The following BTBD9 variants were observed in gnomAD, a reference collection of about 807,000 sequenced individuals.
The protein encoded by BTBD9 is BTB/POZ domain-containing protein 9.
BTBD9 carries 49 observed loss-of-function variants against 64.3 expected under a neutral mutation model. The observed-to-expected ratio is 0.76, with a 90% CI of 0.61 to 0.97. The LOEUF (loss-of-function observed/expected upper bound fraction) is 0.97. Ranked by LOEUF, BTBD9 falls within the 50% of genes least tolerant of loss-of-function variation. The probability of loss-of-function intolerance (pLI) is 0.00; values close to 1 mark genes in which losing one functional copy is unlikely to be tolerated. For synonymous variants in BTBD9, 260 were observed against 274.7 expected (o/e 0.95, Z 0.53); for missense variants, 598 against 762.1 (o/e 0.78, Z 2.53).
At chr6:38,512,623 C>T (rs1190360816) in intron 6 of BTBD9, among the ~76,000 whole-genome samples, 2 of 152,146 alleles carry the variant, frequency 1.3e-5, no homozygotes, top group Admixed American at 1.3e-4. Flanking sequence ...CCATTTTGCC[C>T]ACCCTTTCAG....
intron 6 of BTBD9, among the ~76,000 whole-genome samples, chr6:38,347,067 CCCT>C (rs1183383327): frequency 1.3e-5 from 2 of 152,166 alleles, no homozygotes; most frequent in Non-Finnish European, 2.9e-5. Flanking sequence ...AACCTTCCTT[CCCT>C]CCTGTTCTTT....
intron 6 of BTBD9, among the ~76,000 whole-genome samples, chr6:38,533,987 C>T (rs987029225): frequency 6.6e-6 from 1 of 151,490 alleles, no homozygotes; most frequent in Non-Finnish European, 1.5e-5. Context: ...TAAAAAAGAG[C>T]AAATCAAACC....
Position 38,339,503 on chromosome 6 carries a change from C to G in BTBD9, c.1264+5481G>C, listed in dbSNP as rs369679977. On this transcript the variant is annotated intron_variant, in intron 7 of 10. Transcript: ENST00000481247. Reference sequence around the variant, plus strand: ...AAAAAGAAAATAAAAGAAAAAGAAGCACAGTAAGGTAAAAAATATATAATA... The same window carrying G: ...AAAAAGAAAATAAAAGAAAAAGAAGGACAGTAAGGTAAAAAATATATAATA... 2.7e-4 allele frequency among the ~76,000 whole-genome samples: 41 copies of G among 152,048 alleles called. No homozygotes were observed. The South Asian group carries it at 6.7e-3, about 25-fold the overall frequency.
At chr6:38,202,712 T>C (rs1762508676) in intron 9 of BTBD9, among the ~76,000 whole-genome samples, 1 of 152,160 alleles carries the variant, frequency 6.6e-6, no homozygotes, top group African/African-American at 2.4e-5. Flanking sequence ...GATATCCATA[T>C]GCAAACTGGA....
At chr6:38,193,075 C>T (rs764205740) in intron 9 of BTBD9, among the ~76,000 whole-genome samples, 10 of 151,286 alleles carry the variant, frequency 6.6e-5, no homozygotes, top group Non-Finnish European at 1.0e-4. Context: ...AAAAAAAGTG[C>T]GGACAAATAG....
chr6:38,364,121 C>T (rs1582298778), intron 6 of BTBD9, among the ~76,000 whole-genome samples: 1 of 152,116 alleles, frequency 6.6e-6, no homozygotes, highest in East Asian at 1.9e-4. Context: ...AACTAGAGAA[C>T]CTAATGTAGC....
rs11961943 is a variant in BTBD9 at position 38,502,291 on chromosome 6, T to C, written c.1154+75309A>G. On this transcript the variant is annotated intron_variant, in intron 6 of 10. Transcript: ENST00000481247. ...CATGGAATATGAATAACACTTAATT[T>C]ACCTTCATTTTGCTACCCACGAAAC... 9.1e-3 allele frequency among the ~76,000 whole-genome samples: 1,380 copies of C among 152,358 alleles called. 28 individuals carry two copies. The highest frequency in any genetic ancestry group is 0.031 in the African/African-American group (1,284 of 41,572).
chr6:38,546,692 G>A (rs1054806099), intron 6 of BTBD9, among the ~76,000 whole-genome samples: 5 of 152,046 alleles, frequency 3.3e-5, no homozygotes, highest in South Asian at 2.1e-4. Flanking sequence ...GTTTTGAGAC[G>A]GAGTCTCGCT....
chr6:38,243,348 C>T (rs1446422151), intron 9 of BTBD9, among the ~76,000 whole-genome samples: 2 of 152,230 alleles, frequency 1.3e-5, no homozygotes, highest in Middle Eastern at 6.8e-3. Flanking sequence ...AGGTAAGGAT[C>T]GGAGGCTTTC....
At chr6:38,465,714 T>C (rs1386247860) in intron 6 of BTBD9, among the ~76,000 whole-genome samples, 1 of 24,650 alleles carries the variant, frequency 4.1e-5, no homozygotes, top group Non-Finnish European at 7.3e-5. Flanking sequence ...AAATTATATA[T>C]ATATATATAT....
rs539972081 is a variant in BTBD9, at chr6:38,274,314, A to G, written c.1454+13958T>C. Among the ~76,000 whole-genome samples, 23 of 152,332 alleles carry G rather than the reference A, an allele frequency of 1.5e-4. 1 individual carries two copies. The South Asian group carries it at 4.6e-3, about 30-fold the overall frequency. Reference sequence around the variant, plus strand: ...TGGGATTTTCTAGATATACAATCACATCATCTGCAAACAGGGACAATTTGA... The same window carrying G: ...TGGGATTTTCTAGATATACAATCACGTCATCTGCAAACAGGGACAATTTGA... On this transcript the variant is annotated intron_variant, in intron 8 of 10. Coordinates refer to ENST00000481247, the MANE Select transcript of BTBD9 (RefSeq NM_001099272.2).
intron 9 of BTBD9, among the ~76,000 whole-genome samples, chr6:38,202,651 C>G (rs1350039037): frequency 1.3e-5 from 2 of 152,080 alleles, no homozygotes; most frequent in Admixed American, 1.3e-4. Context: ...GAACCAAGAA[C>G]TTACACCAGG....
chr6:38,234,688 G>A (rs557191939), intron 9 of BTBD9, among the ~76,000 whole-genome samples: 21 of 152,338 alleles, frequency 1.4e-4, no homozygotes, highest in African/African-American at 4.1e-4. Context: ...TCTTACAGAC[G>A]TGGAGACAGA....
At chr6:38,499,034 G>A (rs1772080665) in intron 6 of BTBD9, among the ~76,000 whole-genome samples, 1 of 151,952 alleles carries the variant, frequency 6.6e-6, no homozygotes, top group Non-Finnish European at 1.5e-5. Flanking sequence ...ACTGCGAGAG[G>A]TTCATCTTTT....
At chr6:38,293,652 T>C (rs887080722) in intron 7 of BTBD9, among the ~76,000 whole-genome samples, 1 of 152,174 alleles carries the variant, frequency 6.6e-6, no homozygotes, top group African/African-American at 2.4e-5. Flanking sequence ...CCTTACACTT[T>C]ATACAAAAAT....
chr6:38,630,968 G>A (rs1392867811), intron 1 of BTBD9, among the ~76,000 whole-genome samples: 1 of 152,118 alleles, frequency 6.6e-6, no homozygotes, highest in African/African-American at 2.4e-5. Flanking sequence ...CAGTGGTTGA[G>A]GAAGCATTTT....
intron 9 of BTBD9, among the ~76,000 whole-genome samples, chr6:38,210,544 G>GTGTGTT (rs1157196598): frequency 0.047 from 2,632 of 56,254 alleles, 51 homozygotes; most frequent in African/African-American, 0.12. Flanking sequence ...GTTTGTGTGT[G>GTGTGTT]TGTGTGTGTG....
intron 6 of BTBD9, among the ~76,000 whole-genome samples, chr6:38,418,211 A>G (rs1317439004): frequency 6.6e-6 from 1 of 152,134 alleles, no homozygotes; most frequent in African/African-American, 2.4e-5. Flanking sequence ...AATTACACAA[A>G]ATCACTCTTT....
chr6:38,328,564 C>CGTGTGTGTGTGTGTGTGTCTGTGT (rs1442660083), intron 7 of BTBD9, among the ~76,000 whole-genome samples: 4 of 130,408 alleles, frequency 3.1e-5, no homozygotes, highest in African/African-American at 3.0e-5. Context: ...TTTAAGCCAC[C>CGTGTGTGTGTGTGTGTGTCTGTGT]GTGTGTGTGT....
Sources: gnomAD v4.1 joint callset for allele counts (sites outside exome capture counted in the v4.1 genomes callset) on GRCh38, gnomAD v4.1.1 for gene constraint, MANE v1.5 for transcripts, NCBI Gene and HGNC (gene_info 2026-07-23, HGNC 2026-07-21) for gene names.